PRMT7: variants seen among roughly 807,000 people sequenced by gnomAD.
PRMT7 encodes protein arginine N-methyltransferase 7.
In PRMT7, 75 loss-of-function variants were observed where a neutral mutation model predicts 85.4. That is an observed-to-expected ratio of 0.88 (90% CI 0.73 to 1.06). The LOEUF is 1.06. Among genes scored for constraint, PRMT7 ranks in the 50% least tolerant of loss-of-function variants. The probability of loss-of-function intolerance (pLI) is 0.00; values close to 1 mark genes in which losing one functional copy is unlikely to be tolerated. For synonymous variants in PRMT7, 397 were observed against 359.5 expected (o/e 1.10, Z -1.18); for missense variants, 868 against 915.2 (o/e 0.95, Z 0.67).
chr16:68,351,245 C>CT (rs1411692853), intron 14 of PRMT7: 1 of 152,296 alleles, frequency 6.6e-6, no homozygotes, highest in Non-Finnish European at 1.5e-5. Flanking sequence ...TCCATCATCT[C>CT]TGACTGGCCC....
chr16:68,348,996 C>T (rs2086851466), intron 14 of PRMT7, among the ~76,000 whole-genome samples: 1 of 152,078 alleles, frequency 6.6e-6, no homozygotes, highest in African/African-American at 2.4e-5. Flanking sequence ...GAGCAGCTCT[C>T]TTGGGGTTCC....
intron 6 of PRMT7, among the ~76,000 whole-genome samples, chr16:68,334,122 T>C (rs921191962): frequency 3.9e-5 from 6 of 152,212 alleles, no homozygotes; most frequent in African/African-American, 1.4e-4. Flanking sequence ...CATTAAATCA[T>C]TATGTAGTTA....
intron 11 of PRMT7, 103 bp from the exon 12 acceptor site, chr16:68,347,108 T>A: frequency 9.1e-7 from 1 of 1,093,218 alleles, no homozygotes; most frequent in Non-Finnish European, 1.3e-6. Context: ...GTCTGAGGTC[T>A]GGGCAAGTGG....
intron 15 of PRMT7, chr16:68,352,683 C>T (rs950151140): frequency 2.0e-5 from 6 of 299,362 alleles, no homozygotes; most frequent in Middle Eastern, 9.3e-4. Context: ...TTAAGCGTTT[C>T]AGAAGCCATG....
Position 68,346,189 on chromosome 16 carries a change from A to C in PRMT7, c.1100A>C (p.Asp367Ala), listed in dbSNP as rs548916099. 1 of 1,614,020 alleles carries C rather than the reference A, an allele frequency of 6.2e-7. No individual in the cohort carries two copies. The highest frequency in any genetic ancestry group is 8.5e-7 in the Non-Finnish European group (1 of 1,180,040). ...ERVRQMRPVCDCQAHLLWNRP... is the reference protein window; with the variant it reads ...ERVRQMRPVCACQAHLLWNRP... ...GTCCGCCAGATGCGCCCCGTGTGTG[A>C]CTGCCAGGCTCACCTGCTCTGGAAC... Residue 367 changes from aspartate to alanine, a missense_variant, in exon 11 of 19, where the codon GAC becomes GCC. Asp to Ala is a moderately radical substitution (Grantham distance 126, BLOSUM62 -2). Transcript: ENST00000441236.
rs192571586 is a variant in PRMT7, at chr16:68,337,138, A to T, written c.392-321A>T. Among the ~76,000 whole-genome samples, 210 of 152,270 alleles carry T rather than the reference A, an allele frequency of 1.4e-3. 1 individual carries two copies. Among genetic ancestry groups the T allele is most frequent in the Admixed American group, 4.2e-3 (64 of 15,292 alleles). On this transcript the variant is annotated intron_variant, in intron 6 of 18. Coordinates refer to ENST00000441236, the MANE Select transcript of PRMT7 (RefSeq NM_019023.5). ...CCTGAACTCAATCCATTGGGTATTT[A>T]TAGTTTTCTTATCATTTTTTGCAGT...
rs1190554965 is a variant in PRMT7, at chr16:68,358,562, T to C, written c.*1338T>C. On this transcript the variant is annotated 3_prime_UTR_variant, in exon 19 of 19. Transcript: ENST00000441236. The stretch of plus-strand genomic sequence containing the variant: ...TACAATACAGAAAAAAATACAGAAA[T>C]TAAAAAAGTTTTTATAACAGTATTT... 2 of 152,580 alleles carry C rather than the reference T, an allele frequency of 1.3e-5. No individual in the cohort carries two copies. Among genetic ancestry groups the C allele is most frequent in the African/African-American group, 4.8e-5 (2 of 41,438 alleles). The allele number at this position is 152,580 out of a possible 1,614,324, so 9.5% of individuals were successfully genotyped here. A position where few individuals can be genotyped will look rare whatever the true frequency, so the allele number is the denominator to read the frequency against.
rs2085269050 is a variant in PRMT7 at position 68,339,970 on chromosome 16, T to G, written c.927+2T>G. ...CACTCAGACCCAGAGGAGATGCAGG[T>G]AAGAGGCAGGAGCCTAGCATGTGCC... On this transcript the variant is annotated splice_donor_variant, in intron 9 of 18. Coordinates refer to ENST00000441236, the MANE Select transcript of PRMT7 (RefSeq NM_019023.5). LOFTEE classifies it high-confidence loss of function. 1.2e-6 allele frequency: 2 copies of G among 1,605,674 alleles called. No homozygotes were observed. The highest frequency in any genetic ancestry group is 1.7e-5 in the Admixed American group (1 of 57,994).
At chr16:68,341,687 C>T (rs1290741435) in intron 9 of PRMT7, among the ~76,000 whole-genome samples, 2 of 152,142 alleles carry the variant, frequency 1.3e-5, no homozygotes, top group Non-Finnish European at 2.9e-5. Context: ...GGATTACAGG[C>T]GTGAGCCGCT....
chr16:68,357,200 C>G lies in PRMT7; in HGVS notation c.2055C>G (p.Phe685Leu), dbSNP rs201945171. ...HPDTGDIIMEFRHADTPD is the reference protein window; with the variant it reads ...HPDTGDIIMELRHADTPD ...ACACAGGCGACATCATCATGGAGTTCAGGCATGCAGATACCCCAGACTGAC... is the reference window on the plus strand; with the variant it reads ...ACACAGGCGACATCATCATGGAGTTGAGGCATGCAGATACCCCAGACTGAC... Residue 685 changes from phenylalanine (F) to leucine (L), a missense_variant, in exon 19 of 19, where the codon TTC (phenylalanine) becomes TTG (leucine). Transcript: ENST00000441236. 5.3e-5 allele frequency: 85 copies of G among 1,613,366 alleles called. No homozygotes were observed. The highest frequency in any genetic ancestry group is 2.8e-4 in the Admixed American group (17 of 59,964).
chr16:68,321,620 G>T, intron 4 of PRMT7, 158 bp downstream of exon 4: 1 of 621,094 alleles, frequency 1.6e-6, no homozygotes, highest in Non-Finnish European at 2.8e-6. Flanking sequence ...TCCTACTTCT[G>T]GCTCTATTTT....
chr16:68,312,307 C>G (rs1352539476), intron 2 of PRMT7, 131 bp downstream of exon 2: 1 of 150,990 alleles, frequency 6.6e-6, no homozygotes, highest in East Asian at 1.9e-4. Context: ...ACTGCAACCT[C>G]TGCCTCCCGG....
chr16:68,343,560 C>T (rs1387877192), intron 9 of PRMT7, among the ~76,000 whole-genome samples: 8 of 152,148 alleles, frequency 5.3e-5, no homozygotes, highest in African/African-American at 9.7e-5. Flanking sequence ...AGCTCCTCAA[C>T]GTTAGGACCC....
chr16:68,345,743 G>T lies in PRMT7; in HGVS notation c.996G>T (p.Ala332=), dbSNP rs140089674. ...AGGAGCCTGTGGTGCAGGGCTCAGC[G>T]CTCTATCTGGTAGCCCACCACGATG... The part of the protein sequence containing the change: ...PQEEPVVQGS[A]LYLVAHHDDY... Residue 332 remains alanine, a synonymous_variant, in exon 10 of 19, where the codon GCG becomes GCT. Coordinates refer to ENST00000441236, the MANE Select transcript of PRMT7 (RefSeq NM_019023.5). The T allele has an allele frequency of 6.2e-7, 1 of 1,614,120 alleles. No individual in the cohort carries two copies. The highest frequency in any genetic ancestry group is 8.5e-7 in the Non-Finnish European group (1 of 1,180,032).
At chr16:68,325,000 C>A in intron 5 of PRMT7, 168 bp downstream of exon 5, 1 of 786,564 alleles carries the variant, frequency 1.3e-6, no homozygotes, top group Non-Finnish European at 1.9e-6. Context: ...CAGTTCCTTC[C>A]TCCAGGAGCT....
chr16:68,332,660 T>A (rs551758589), intron 6 of PRMT7, among the ~76,000 whole-genome samples: 2 of 152,152 alleles, frequency 1.3e-5, no homozygotes, highest in Non-Finnish European at 2.9e-5. Context: ...AAGGCTTTTT[T>A]TCTGTGTAAT....
intron 10 of PRMT7, 32 bp downstream of exon 10, chr16:68,345,834 G>A (rs753764834): frequency 3.1e-6 from 5 of 1,609,278 alleles, no homozygotes; most frequent in Admixed American, 3.3e-5. Context: ...TGGAGGATGA[G>A]CCTCTGAGAC....
chr16:68,350,631 T>C (rs1172753276), intron 14 of PRMT7, among the ~76,000 whole-genome samples: 6 of 152,256 alleles, frequency 3.9e-5, no homozygotes, highest in Non-Finnish European at 7.3e-5. Context: ...TACCTTACGA[T>C]TCACTCAGTG....
rs1238222978 is a variant in PRMT7, at chr16:68,311,073, A to C, written c.-245A>C. 2 of 773,980 alleles carry C rather than the reference A, an allele frequency of 2.6e-6. No individual in the cohort carries two copies. Among genetic ancestry groups the C allele is most frequent in the East Asian group, 5.3e-5 (2 of 37,536 alleles). The allele number at this position is 773,980 out of a possible 1,614,324, so 47.9% of individuals were successfully genotyped here. A position where few individuals can be genotyped will look rare whatever the true frequency, so the allele number is the denominator to read the frequency against. Reference sequence around the variant, plus strand: ...GCCGCGGTAAAAGTGGTAGCAGCGGAGGCGAGCGGAGGGTTTCCCGCGGCG... The same window carrying C: ...GCCGCGGTAAAAGTGGTAGCAGCGGCGGCGAGCGGAGGGTTTCCCGCGGCG... On this transcript the variant is annotated 5_prime_UTR_variant, in exon 1 of 19. Coordinates refer to ENST00000441236, the MANE Select transcript of PRMT7 (RefSeq NM_019023.5).
Sources: gnomAD v4.1 joint callset for allele counts (sites outside exome capture counted in the v4.1 genomes callset) on GRCh38, gnomAD v4.1.1 for gene constraint, MANE v1.5 for transcripts, NCBI Gene and HGNC (gene_info 2026-07-23, HGNC 2026-07-21) for gene names.